Variants in HERC2 observed in about 807,000 individuals in gnomAD.
HERC2 encodes HECT and RLD domain containing E3 ubiquitin protein ligase 2, also known as E3 ubiquitin-protein ligase HERC2.
In HERC2, 102 loss-of-function variants were observed where a neutral mutation model predicts 537.7. The ratio of observed to expected loss-of-function variants is 0.19; its 90% confidence interval spans 0.16 to 0.22. The LOEUF (loss-of-function observed/expected upper bound fraction) is 0.22. HERC2 is among the 10% of genes least tolerant of loss of function. HERC2 has a pLI of 1.00. For missense variants in HERC2, 4,236 were observed against 6,198.2 expected (o/e 0.68, Z 10.63); for synonymous variants, 2,224 against 2,466.2 (o/e 0.90, Z 2.91).
intron 79 of HERC2, among the ~76,000 whole-genome samples, chr15:28,134,589 C>A (rs116886437): frequency 0.015 from 2,219 of 152,254 alleles, 36 homozygotes; most frequent in Non-Finnish European, 0.021. Context: ...ACAACCTAAG[C>A]TCTAGGTTAA....
chr15:28,284,166 C>A (rs1460928984), intron 4 of HERC2, among the ~76,000 whole-genome samples: 1 of 152,002 alleles, frequency 6.6e-6, no homozygotes, highest in Non-Finnish European at 1.5e-5. Flanking sequence ...TGGGGCATTT[C>A]AGATTTTGGA....
chr15:28,165,853 CAT>C (rs1344615142), intron 68 of HERC2, among the ~76,000 whole-genome samples: 3 of 152,082 alleles, frequency 2.0e-5, no homozygotes, highest in South Asian at 4.1e-4. Flanking sequence ...TACACACACA[CAT>C]ATTCATTCTC....
At chr15:28,258,914 CCA>C (rs1009325806) in intron 16 of HERC2, among the ~76,000 whole-genome samples, 3 of 152,064 alleles carry the variant, frequency 2.0e-5, no homozygotes, top group African/African-American at 7.2e-5. Context: ...ACCGCAGGCC[CCA>C]CAGACTTCAG....
intron 34 of HERC2, 146 bp downstream of exon 34, chr15:28,229,049 A>C: frequency 1.3e-6 from 1 of 787,850 alleles, no homozygotes; most frequent in Non-Finnish European, 2.2e-6. Flanking sequence ...AAATCTGAGA[A>C]AGCTGACAGC....
At chr15:28,179,906 A>C (rs1476487334) in intron 57 of HERC2, among the ~76,000 whole-genome samples, 1 of 152,246 alleles carries the variant, frequency 6.6e-6, no homozygotes, top group Non-Finnish European at 1.5e-5. Flanking sequence ...TATTATTACA[A>C]GAGTCAAAAA....
In HERC2 at chr15:28,124,062, C is replaced by T. The variant is rs1382058267; in HGVS notation, c.13163G>A (p.Arg4388Gln). The T allele has an allele frequency of 5.6e-6, 9 of 1,597,372 alleles. No homozygotes were observed. Among genetic ancestry groups the T allele is most frequent in the East Asian group, 2.3e-5 (1 of 43,892 alleles). ...LGPSVGFDTL[R>Q]GILISQGKEA... ...CTTTCCCTGGGATATCAGAATTCCT[C>T]GGAGAGTGTCGAACCCAACAGAAGG... The change falls in exon 85 of 93, where the codon CGA becomes CAA. Residue 4388 changes from arginine (R) to glutamine (Q), a missense_variant. Coordinates refer to ENST00000261609, the MANE Select transcript of HERC2 (RefSeq NM_004667.6).
At position 28,210,368 on chromosome 15, in the gene HERC2, C is replaced by T. The variant is rs140763368; in HGVS notation, c.7069+634G>A. On this transcript the variant is annotated intron_variant, in intron 44 of 92. Transcript: ENST00000261609. ...CAGGATGGTCTCTAGCTCCTGACCTCGTGATCCGCCGCCCGCCTCGGCCTC... is the reference window on the plus strand; with the variant it reads ...CAGGATGGTCTCTAGCTCCTGACCTTGTGATCCGCCGCCCGCCTCGGCCTC... Among the ~76,000 whole-genome samples, 220 of 152,246 alleles carry T rather than the reference C, an allele frequency of 1.4e-3. 6 individuals carry two copies. The East Asian group carries it at 0.041, about 29-fold the overall frequency.
chr15:28,232,481 G>A (rs1449137345), intron 30 of HERC2, among the ~76,000 whole-genome samples: 2 of 151,746 alleles, frequency 1.3e-5, no homozygotes, highest in Admixed American at 1.3e-4. Flanking sequence ...CCTGGGAGGC[G>A]GAGGTTGCAG....
At chr15:28,153,163 G>A (rs1596068792) in intron 69 of HERC2, among the ~76,000 whole-genome samples, 1 of 152,202 alleles carries the variant, frequency 6.6e-6, no homozygotes, top group East Asian at 1.9e-4. Context: ...AGATCAGCCT[G>A]ACCAACATGG....
rs1342080194 is a variant in HERC2, at chr15:28,163,178, C to G, written c.10662G>C (p.Lys3554Asn). The change falls in exon 69 of 93, where the codon AAG becomes AAC. Residue 3554 changes from lysine (K) to asparagine (N), a missense_variant. Coordinates refer to ENST00000261609, the MANE Select transcript of HERC2 (RefSeq NM_004667.6). ...CCCCGGCCCGGCTGCACACTGACAGCTTGAGCAGGTCTACCACCACACGAG... is the reference window on the plus strand; with the variant it reads ...CCCCGGCCCGGCTGCACACTGACAGGTTGAGCAGGTCTACCACCACACGAG... Reference protein sequence around the residue: ...DDTRVVVDLLKLSVCSRAGDR... With the variant: ...DDTRVVVDLLNLSVCSRAGDR... 1 of 1,613,618 alleles carries G rather than the reference C, an allele frequency of 6.2e-7. No individual in the cohort carries two copies. Among genetic ancestry groups the G allele is most frequent in the Non-Finnish European group, 8.5e-7 (1 of 1,180,044 alleles).
Position 28,218,558 on chromosome 15 carries a change from T to C in HERC2, c.5959A>G (p.Ser1987Gly). 1 of 1,598,080 alleles carries C rather than the reference T, an allele frequency of 6.3e-7. No individual in the cohort carries two copies. Residue 1987 changes from serine (S) to glycine (G), a missense_variant, in exon 38 of 93, where the codon AGC becomes GGC. Physicochemically the swap from Ser to Gly is moderately conservative, Grantham distance 56 (BLOSUM62 0). Transcript: ENST00000261609. ...CCGCATAAAGTCTTGGTGGCTTCGC[T>C]CTGCATGATCTCAGCATGAACTCCA... ...SAGVHAEIMQ[S>G]EATKTLCGLL...
intron 16 of HERC2, 52 bp from the exon 17 acceptor site, chr15:28,257,313 C>G: frequency 1.3e-6 from 2 of 1,514,642 alleles, no homozygotes; most frequent in South Asian, 2.3e-5. Context: ...AGCTGCTGGT[C>G]TGCTCCACAG....
intron 14 of HERC2, among the ~76,000 whole-genome samples, chr15:28,264,106 C>A (rs1397350471): frequency 6.6e-6 from 1 of 150,986 alleles, no homozygotes; most frequent in Non-Finnish European, 1.5e-5. Context: ...AAAAAGAAAC[C>A]AGAGAAGATA....
rs1894480399 is a variant in HERC2 at position 28,169,502 on chromosome 15, A to G, written c.10211T>C (p.Leu3404Ser). 1.3e-6 allele frequency: 2 copies of G among 1,597,412 alleles called. No individual in the cohort carries two copies. Among genetic ancestry groups the G allele is most frequent in the East Asian group, 4.5e-5 (2 of 44,608 alleles). The change falls in exon 66 of 93, where the codon TTG (leucine) becomes TCG (serine). Residue 3404 changes from leucine to serine, a missense_variant. Physicochemically the swap from Leu to Ser is moderately radical, Grantham distance 145 (BLOSUM62 -2). This residue lies in a region of HERC2 where 356 missense variants were observed against 450.9 expected (regional missense o/e 0.79). Coordinates refer to ENST00000261609, the MANE Select transcript of HERC2 (RefSeq NM_004667.6). ...AGCCTACCTGGCATACATGATTTGC[A>G]ATGCTGTAAGAATATGTGATAAGGC... is the stretch of plus-strand genomic sequence containing the variant. ...QQALSHILTA[L>S]QIMYARDAVV...
chr15:28,141,657 G>T, intron 77 of HERC2, 27 bp from the exon 78 acceptor site: 1 of 1,613,254 alleles, frequency 6.2e-7, no homozygotes, highest in Non-Finnish European at 8.5e-7. Context: ...GTGAGCATTT[G>T]CCATGGGCAA....
At chr15:28,161,456 C>G (rs1893584296) in intron 69 of HERC2, among the ~76,000 whole-genome samples, 1 of 152,188 alleles carries the variant, frequency 6.6e-6, no homozygotes. Context: ...GGCTCCCTGG[C>G]AGGGCAGAGC....
At chr15:28,150,464 A>AGTG (rs1170018745) in intron 70 of HERC2, among the ~76,000 whole-genome samples, 1 of 152,090 alleles carries the variant, frequency 6.6e-6, no homozygotes, top group African/African-American at 2.4e-5. Flanking sequence ...CGTACATTCT[A>AGTG]GTGAAATTAC....
chr15:28,293,861 T>C (rs907224546), intron 3 of HERC2, among the ~76,000 whole-genome samples: 1 of 152,196 alleles, frequency 6.6e-6, no homozygotes, highest in Non-Finnish European at 1.5e-5. Context: ...CAATGTCAAG[T>C]TTCAGTCAAA....
At chr15:28,221,857 A>G (rs1900553042) in intron 36 of HERC2, among the ~76,000 whole-genome samples, 171 bp downstream of exon 36, 1 of 151,966 alleles carries the variant, frequency 6.6e-6, no homozygotes, top group Non-Finnish European at 1.5e-5. Context: ...TGCCCTACTT[A>G]TGATTCCCTA....
Sources: gnomAD v4.1 joint callset for allele counts (sites outside exome capture counted in the v4.1 genomes callset) on GRCh38, gnomAD v4.1.1 for gene constraint, gnomAD v4.1.1 regional missense constraint, MANE v1.5 for transcripts, NCBI Gene and HGNC (gene_info 2026-07-23, HGNC 2026-07-21) for gene names.